The following DIRAS2 variants were observed in gnomAD, a reference collection of about 807,000 sequenced individuals.
DIRAS2 encodes the protein GTP-binding protein Di-Ras2.
DIRAS2 carries 5 observed loss-of-function variants against 13.9 expected under a neutral mutation model. The observed-to-expected ratio is 0.36, with a 90% CI of 0.19 to 0.76. The LOEUF (loss-of-function observed/expected upper bound fraction) is 0.76, where lower values mean the gene tolerates loss of function less well. Among genes scored for constraint, DIRAS2 ranks in the 30% least tolerant of loss-of-function variants. The probability of loss-of-function intolerance (pLI) is 0.53; values close to 1 mark genes in which losing one functional copy is unlikely to be tolerated. For synonymous variants in DIRAS2, 111 were observed against 105.4 expected (o/e 1.05, Z -0.33); for missense variants, 191 against 263.0 (o/e 0.73, Z 1.89).
Position 90,636,662 on chromosome 9 carries a change from T to G in DIRAS2, c.-37+6090A>C, listed in dbSNP as rs896607103. Among the ~76,000 whole-genome samples the G allele has an allele frequency of 2.0e-5, 3 of 152,204 alleles. No individual in the cohort carries two copies. In the South Asian group the frequency reaches 6.2e-4, roughly 32 times the overall value. ...ACATTTAGCATGTGACTAAATGATTTGAGTGGTCATTGCTAAGGGAGCAGA... is the reference window on the plus strand; with the variant it reads ...ACATTTAGCATGTGACTAAATGATTGGAGTGGTCATTGCTAAGGGAGCAGA... On this transcript the variant is annotated intron_variant, in intron 1 of 1. Coordinates refer to ENST00000375765, the MANE Select transcript of DIRAS2 (RefSeq NM_017594.5).
intron 1 of DIRAS2, among the ~76,000 whole-genome samples, chr9:90,629,307 T>A (rs899021290): frequency 7.9e-5 from 12 of 152,186 alleles, no homozygotes; most frequent in Non-Finnish European, 1.3e-4. Flanking sequence ...TAATAACACA[T>A]AATGCTTAGT....
At chr9:90,637,153 G>A (rs78445818) in intron 1 of DIRAS2, among the ~76,000 whole-genome samples, 8,384 of 152,176 alleles carry the variant, frequency 0.055, 276 homozygotes, top group Admixed American at 0.068. Flanking sequence ...AGTTTCTACC[G>A]AATGTATGTA....
chr9:90,617,538 T>G lies in DIRAS2; in HGVS notation c.-36-3675A>C, dbSNP rs1825180986. On this transcript the variant is annotated intron_variant, in intron 1 of 1. Transcript: ENST00000375765. ...TTTAGCTAGGAAATGGATATAATAA[T>G]GCCAAGTTGTTTATGAGACTAATGT... Among the ~76,000 whole-genome samples, 4 of 152,206 alleles carry G rather than the reference T, an allele frequency of 2.6e-5. No individual in the cohort carries two copies. The South Asian group carries it at 8.3e-4, about 32-fold the overall frequency.
In DIRAS2 at chr9:90,613,471, C is replaced by T; in HGVS notation, c.357G>A (p.Val119=). Residue 119 remains valine (V), a synonymous_variant, in exon 2 of 2, where the codon GTG becomes GTA. Transcript: ENST00000375765. The surrounding 1 kb of genome is among the most constrained non-coding windows in gnomAD (Gnocchi z 5.6). ...GDVESIPIML[V]GNKCDESPSR... ...TGGGGCTCTCATCACACTTGTTCCC[C>T]ACCAGCATGATGGGGATGCTCTCCA... is the stretch of plus-strand genomic sequence containing the variant. The T allele has an allele frequency of 1.2e-6, 2 of 1,614,048 alleles. No individual in the cohort carries two copies. The highest frequency in any genetic ancestry group is 1.7e-6 in the Non-Finnish European group (2 of 1,180,016).
At chr9:90,635,383 C>G (rs963641599) in intron 1 of DIRAS2, among the ~76,000 whole-genome samples, 1 of 152,190 alleles carries the variant, frequency 6.6e-6, no homozygotes, top group African/African-American at 2.4e-5. Context: ...CAGAAGGAAG[C>G]CTTTCAGACT....
At chr9:90,630,202 C>G (rs1216182639) in intron 1 of DIRAS2, among the ~76,000 whole-genome samples, 1 of 152,176 alleles carries the variant, frequency 6.6e-6, no homozygotes, top group African/African-American at 2.4e-5. Context: ...TCAGGTACAT[C>G]AGAAACACTC....
chr9:90,635,069 C>G lies in DIRAS2; in HGVS notation c.-37+7683G>C, dbSNP rs370506394. On this transcript the variant is annotated intron_variant, in intron 1 of 1. Transcript: ENST00000375765. ...CTGAGGCTCTGGATGGTTAAAGTCA[C>G]AGAGAATTGTTGCACAACTAGTGAC... Among the ~76,000 whole-genome samples the G allele has an allele frequency of 3.3e-5, 5 of 152,320 alleles. No homozygotes were observed. The South Asian group carries it at 1.0e-3, about 32-fold the overall frequency.
Position 90,622,629 on chromosome 9 carries a change from C to T in DIRAS2, c.-36-8766G>A, listed in dbSNP as rs140357483. ...TTGATTGATAGAGTCCTGAATGCAGCCCAAGTTCAAATTCTTTCTTCTTCA... is the reference window on the plus strand; with the variant it reads ...TTGATTGATAGAGTCCTGAATGCAGTCCAAGTTCAAATTCTTTCTTCTTCA... On this transcript the variant is annotated intron_variant, in intron 1 of 1. Transcript: ENST00000375765. Among the ~76,000 whole-genome samples the T allele has an allele frequency of 4.2e-3, 643 of 152,238 alleles. 7 individuals are homozygous for T. The highest frequency in any genetic ancestry group is 0.015 in the African/African-American group (622 of 41,534).
chr9:90,627,772 T>C (rs1825285606), intron 1 of DIRAS2, among the ~76,000 whole-genome samples: 1 of 152,190 alleles, frequency 6.6e-6, no homozygotes, highest in East Asian at 1.9e-4. Context: ...TTAAAGATAA[T>C]GTCCATAACG....
intron 1 of DIRAS2, among the ~76,000 whole-genome samples, chr9:90,617,713 A>G (rs1825182260): frequency 6.6e-6 from 1 of 152,234 alleles, no homozygotes; most frequent in Non-Finnish European, 1.5e-5. Flanking sequence ...ACTAGCTATT[A>G]AACTCATTCA....
chr9:90,613,132 G>T lies in DIRAS2; in HGVS notation c.*96C>A. The T allele has an allele frequency of 1.3e-6, 2 of 1,491,566 alleles. No individual in the cohort carries two copies. The highest frequency in any genetic ancestry group is 1.8e-6 in the Non-Finnish European group (2 of 1,108,206). The allele number at this position is 1,491,566 out of a possible 1,614,324, so 92.4% of individuals were successfully genotyped here. A position where few individuals can be genotyped will look rare whatever the true frequency, so the allele number is the denominator to read the frequency against. On this transcript the variant is annotated 3_prime_UTR_variant, in exon 2 of 2. Coordinates refer to ENST00000375765, the MANE Select transcript of DIRAS2 (RefSeq NM_017594.5). This position sits in a 1 kb window ranked among gnomAD's most constrained non-coding sequence, Gnocchi z 5.6. ...CTCGATTAAATGCAATGTTTAACAC[G>T]TGGGCATTATACATGCTACCCTGAC...
At chr9:90,623,362 C>T (rs1224946781) in intron 1 of DIRAS2, among the ~76,000 whole-genome samples, 1 of 152,094 alleles carries the variant, frequency 6.6e-6, no homozygotes, top group Non-Finnish European at 1.5e-5. Flanking sequence ...TTGATACACA[C>T]CCCTGTTATT....
chr9:90,616,036 GAGCATA>G (rs1406880618), intron 1 of DIRAS2, among the ~76,000 whole-genome samples: 2 of 152,194 alleles, frequency 1.3e-5, no homozygotes, highest in Non-Finnish European at 2.9e-5. Context: ...CTCCAGACTA[GAGCATA>G]AGCATCTAGC....
intron 1 of DIRAS2, among the ~76,000 whole-genome samples, chr9:90,624,927 G>A (rs1325559348): frequency 2.0e-5 from 3 of 152,080 alleles, no homozygotes; most frequent in African/African-American, 7.2e-5. Flanking sequence ...ACACCTGGCC[G>A]CTTAATGACA....
intron 1 of DIRAS2, among the ~76,000 whole-genome samples, chr9:90,628,966 T>A (rs537657069): frequency 1.9e-4 from 29 of 152,184 alleles, no homozygotes; most frequent in Non-Finnish European, 3.8e-4. Flanking sequence ...GCCATTCTCC[T>A]GCTTCAGCCT....
chr9:90,629,963 T>C (rs1825308804), intron 1 of DIRAS2, among the ~76,000 whole-genome samples: 1 of 152,198 alleles, frequency 6.6e-6, no homozygotes, highest in African/African-American at 2.4e-5. Context: ...ATGTTCCCAA[T>C]AAACCTCAGC....
At chr9:90,623,233 T>C (rs1360578013) in intron 1 of DIRAS2, among the ~76,000 whole-genome samples, 2 of 152,208 alleles carry the variant, frequency 1.3e-5, no homozygotes, top group Non-Finnish European at 2.9e-5. Flanking sequence ...GGTTTTCCAT[T>C]TGATTTATGA....
intron 1 of DIRAS2, among the ~76,000 whole-genome samples, chr9:90,636,249 A>C (rs904231306): frequency 6.6e-6 from 1 of 151,906 alleles, no homozygotes; most frequent in African/African-American, 2.4e-5. Flanking sequence ...GGTGTTAGCC[A>C]GGATGGTCTC....
intron 1 of DIRAS2, among the ~76,000 whole-genome samples, chr9:90,622,994 T>C (rs1022524830): frequency 1.3e-5 from 2 of 152,250 alleles, no homozygotes; most frequent in African/African-American, 4.8e-5. Flanking sequence ...TCTTGATTTC[T>C]CCAGCATCTT....
Sources: gnomAD v4.1 joint callset for allele counts (sites outside exome capture counted in the v4.1 genomes callset) on GRCh38, gnomAD v4.1.1 for gene constraint, Gnocchi (gnomAD v3.1) non-coding constraint, MANE v1.5 for transcripts, NCBI Gene and HGNC (gene_info 2026-07-23, HGNC 2026-07-21) for gene names.